Variants in HECW1 observed in about 807,000 individuals in gnomAD.
HECW1 encodes E3 ubiquitin-protein ligase HECW1.
HECW1 carries 61 observed loss-of-function variants against 182.3 expected under a neutral mutation model. That is an observed-to-expected ratio of 0.33 (90% confidence interval 0.27 to 0.41). The LOEUF is 0.41. Ranked by LOEUF, HECW1 falls within the 10% of genes least tolerant of loss-of-function variation. The probability of loss-of-function intolerance (pLI) is 1.00; values close to 1 mark genes in which losing one functional copy is unlikely to be tolerated. For missense variants in HECW1, 1,739 were observed against 2,108.9 expected (o/e 0.82, Z 3.44); for synonymous variants, 859 against 832.6 (o/e 1.03, Z -0.55).
At chr7:43,504,757 T>C (rs937427773) in intron 21 of HECW1, among the ~76,000 whole-genome samples, 6 of 152,202 alleles carry the variant, frequency 3.9e-5, no homozygotes, top group African/African-American at 1.4e-4. Context: ...CTCAGCACCC[T>C]TCCTCTCTCC....
chr7:43,500,452 A>G (rs2079300449), intron 19 of HECW1, among the ~76,000 whole-genome samples: 1 of 152,120 alleles, frequency 6.6e-6, no homozygotes, highest in South Asian at 2.1e-4. Context: ...TGACTGTCTT[A>G]GCTACCTGAG....
intron 4 of HECW1, among the ~76,000 whole-genome samples, chr7:43,317,342 G>C (rs1461391381): frequency 6.6e-6 from 1 of 152,236 alleles, no homozygotes; most frequent in East Asian, 1.9e-4. Context: ...CTGCCCTCCA[G>C]ATTGCAGTGA....
intron 2 of HECW1, chr7:43,118,896 C>G (rs1027739166): frequency 6.6e-6 from 1 of 151,942 alleles, no homozygotes; most frequent in Non-Finnish European, 1.5e-5. Flanking sequence ...TTTATAAAAC[C>G]GCTCCCTGAC....
chr7:43,207,339 C>G (rs78319396), intron 2 of HECW1, among the ~76,000 whole-genome samples: 2,802 of 152,272 alleles, frequency 0.018, 76 homozygotes, highest in African/African-American at 0.065. Context: ...AGCCACCGCA[C>G]GCCGCCTAAA....
chr7:43,461,153 T>C (rs1324817223), intron 13 of HECW1, among the ~76,000 whole-genome samples: 3 of 152,230 alleles, frequency 2.0e-5, no homozygotes, highest in African/African-American at 7.2e-5. Flanking sequence ...TCTGGTTTGA[T>C]TGAGCCCAGC....
chr7:43,181,438 G>A (rs1792850698), intron 2 of HECW1, among the ~76,000 whole-genome samples: 1 of 150,914 alleles, frequency 6.6e-6, no homozygotes, highest in Admixed American at 6.6e-5. Context: ...CATAATGGCT[G>A]TACAAATTTA....
intron 2 of HECW1, among the ~76,000 whole-genome samples, chr7:43,213,311 T>G (rs1796155933): frequency 6.6e-6 from 1 of 152,136 alleles, no homozygotes; most frequent in Non-Finnish European, 1.5e-5. Context: ...ATAAGAGACT[T>G]TATCATAAAT....
At chr7:43,347,943 G>A (rs1440877255) in intron 5 of HECW1, among the ~76,000 whole-genome samples, 1 of 152,044 alleles carries the variant, frequency 6.6e-6, no homozygotes, top group African/African-American at 2.4e-5. Flanking sequence ...AAAGATTTTA[G>A]CATCTATGTT....
chr7:43,312,775 CTTATAA>C (rs1179911473), intron 4 of HECW1, among the ~76,000 whole-genome samples: 3 of 152,182 alleles, frequency 2.0e-5, no homozygotes, highest in Non-Finnish European at 4.4e-5. Flanking sequence ...TTTTGAAAAT[CTTATAA>C]TTATGAAAAC....
intron 9 of HECW1, among the ~76,000 whole-genome samples, chr7:43,441,173 T>C (rs1434727564): frequency 6.6e-6 from 1 of 152,226 alleles, no homozygotes; most frequent in Non-Finnish European, 1.5e-5. Context: ...GAAAATATAA[T>C]AGCAAAGTTT....
chr7:43,509,080 G>A lies in HECW1; in HGVS notation c.3978G>A (p.Gln1326=), dbSNP rs776249912. The change falls in exon 24 of 30, where the codon CAG becomes CAA. Residue 1326 remains glutamine, a synonymous_variant. Coordinates refer to ENST00000395891, the MANE Select transcript of HECW1 (RefSeq NM_015052.5). ...EYSANDTYTV[Q]ISPMSAFVEN... ...CGGCAAATGATACTTACACGGTGCA[G>A]ATCAGCCCCATGTCCGCATTTGTAG... is the stretch of plus-strand genomic sequence containing the variant. 5 of 1,614,166 alleles carry A rather than the reference G, an allele frequency of 3.1e-6. No homozygotes were observed. In the South Asian group the frequency reaches 4.4e-5, roughly 14 times the overall value.
intron 3 of HECW1, among the ~76,000 whole-genome samples, chr7:43,271,482 T>C (rs889445006): frequency 5.3e-5 from 8 of 152,210 alleles, no homozygotes; most frequent in Non-Finnish European, 1.0e-4. Context: ...CAAAAGGCTA[T>C]TAGAACTGAT....
intron 6 of HECW1, among the ~76,000 whole-genome samples, chr7:43,368,374 G>A (rs904121159): frequency 6.6e-6 from 1 of 152,156 alleles, no homozygotes; most frequent in East Asian, 1.9e-4. Flanking sequence ...TTTATTTCTT[G>A]TAAGCAAATT....
intron 21 of HECW1, among the ~76,000 whole-genome samples, chr7:43,502,367 G>A (rs2079397805): frequency 6.6e-6 from 1 of 152,158 alleles, no homozygotes; most frequent in African/African-American, 2.4e-5. Flanking sequence ...GTGAATAAAA[G>A]ATATTTTCGC....
At chr7:43,532,214 C>G (rs1185371350) in intron 24 of HECW1, among the ~76,000 whole-genome samples, 2 of 152,144 alleles carry the variant, frequency 1.3e-5, no homozygotes, top group East Asian at 3.9e-4. Context: ...TTAAATGCAT[C>G]AGTAAATTCC....
intron 2 of HECW1, among the ~76,000 whole-genome samples, chr7:43,163,647 T>C (rs1790788935): frequency 6.6e-6 from 1 of 152,200 alleles, no homozygotes; most frequent in Admixed American, 6.5e-5. Context: ...TGACCAGTTA[T>C]GACCCCTGGG....
intron 6 of HECW1, among the ~76,000 whole-genome samples, chr7:43,368,708 G>A (rs966615346): frequency 6.6e-6 from 1 of 152,124 alleles, no homozygotes; most frequent in African/African-American, 2.4e-5. Context: ...TCACACTAAC[G>A]AGGCATTCTG....
chr7:43,512,755 A>C (rs1302874093), intron 24 of HECW1, among the ~76,000 whole-genome samples: 1 of 152,204 alleles, frequency 6.6e-6, no homozygotes, highest in East Asian at 1.9e-4. Context: ...AGTTTATATG[A>C]ATGTTTCAAC....
chr7:43,473,637 A>T (rs2078107296), intron 16 of HECW1, among the ~76,000 whole-genome samples: 1 of 152,080 alleles, frequency 6.6e-6, no homozygotes. Context: ...AAAAAAAAAA[A>T]GTAAGGAAGT....
Sources: gnomAD v4.1 joint callset for allele counts (sites outside exome capture counted in the v4.1 genomes callset) on GRCh38, gnomAD v4.1.1 for gene constraint, MANE v1.5 for transcripts, NCBI Gene and HGNC (gene_info 2026-07-23, HGNC 2026-07-21) for gene names.